RARB: variants seen among roughly 807,000 people sequenced by gnomAD.
RARB encodes HBV-activated protein.
In RARB, 17 loss-of-function variants were observed where a neutral mutation model predicts 51.9. That is an observed-to-expected ratio of 0.33 (90% CI 0.22 to 0.49). The LOEUF is 0.49. Ranked by LOEUF, RARB falls within the 20% of genes least tolerant of loss-of-function variation. The probability of loss-of-function intolerance (pLI) is 0.99; values close to 1 mark genes in which losing one functional copy is unlikely to be tolerated. For missense variants in RARB, 369 were observed against 550.8 expected (o/e 0.67, Z 3.30); for synonymous variants, 215 against 195.4 (o/e 1.10, Z -0.84).
intron 5 of RARB, among the ~76,000 whole-genome samples, chr3:25,384,390 T>C (rs775048326): frequency 1.3e-5 from 2 of 152,222 alleles, no homozygotes; most frequent in African/African-American, 4.8e-5. Context: ...ATGAGCAGCA[T>C]GTAGAATAAC....
At chr3:25,520,813 T>G (rs1698369999) in intron 3 of RARB, among the ~76,000 whole-genome samples, 1 of 152,182 alleles carries the variant, frequency 6.6e-6, no homozygotes, top group Admixed American at 6.5e-5. Context: ...CTTATTACCC[T>G]TCACTGAAGC....
chr3:25,581,979 G>T (rs1701195555), intron 5 of RARB, among the ~76,000 whole-genome samples: 1 of 152,166 alleles, frequency 6.6e-6, no homozygotes, highest in South Asian at 2.1e-4. Flanking sequence ...CAAGGTCACA[G>T]ATGGGGGTGG....
intron 2 of RARB, among the ~76,000 whole-genome samples, chr3:25,003,841 G>T (rs978613473): frequency 6.6e-6 from 1 of 152,052 alleles, no homozygotes; most frequent in Non-Finnish European, 1.5e-5. Flanking sequence ...TTCACTGATG[G>T]GATCTTTATT....
At chr3:25,172,375 T>C (rs1202860607) in intron 4 of RARB, among the ~76,000 whole-genome samples, 7 of 152,142 alleles carry the variant, frequency 4.6e-5, no homozygotes, top group African/African-American at 1.2e-4. Context: ...GGGGAATTCA[T>C]TGAAACTCAC....
At chr3:25,175,952 T>C (rs1700735750) in intron 5 of RARB, among the ~76,000 whole-genome samples, 1 of 152,210 alleles carries the variant, frequency 6.6e-6, no homozygotes. Flanking sequence ...TTTCAAATCA[T>C]GTTCACTCAA....
chr3:25,318,727 C>A (rs1337515496), intron 5 of RARB, among the ~76,000 whole-genome samples: 2 of 152,190 alleles, frequency 1.3e-5, no homozygotes, highest in Admixed American at 6.5e-5. Context: ...CCCAACCACA[C>A]AGCCACCATA....
chr3:25,098,127 G>C (rs1363799066), intron 3 of RARB, among the ~76,000 whole-genome samples: 1 of 152,146 alleles, frequency 6.6e-6, no homozygotes, highest in Non-Finnish European at 1.5e-5. Flanking sequence ...CACTGTACAA[G>C]GGGACTGGGA....
intron 5 of RARB, among the ~76,000 whole-genome samples, chr3:25,356,020 A>C (rs977182739): frequency 1.3e-5 from 2 of 152,152 alleles, no homozygotes; most frequent in African/African-American, 4.8e-5. Flanking sequence ...TATTTTTAAA[A>C]ATTCTCTATT....
chr3:24,891,644 A>T (rs1371723000), intron 2 of RARB, among the ~76,000 whole-genome samples: 1 of 152,146 alleles, frequency 6.6e-6, no homozygotes, highest in Admixed American at 6.5e-5. Context: ...ATTAGCACTG[A>T]TAGTGTGGAG....
chr3:24,898,728 TG>T (rs1411389317), intron 2 of RARB, among the ~76,000 whole-genome samples: 1 of 152,212 alleles, frequency 6.6e-6, no homozygotes, highest in Non-Finnish European at 1.5e-5. Flanking sequence ...GCGGATATAT[TG>T]GCTCCAGTAA....
intron 5 of RARB, among the ~76,000 whole-genome samples, chr3:25,304,983 C>T (rs951954838): frequency 6.6e-6 from 1 of 152,156 alleles, no homozygotes; most frequent in East Asian, 1.9e-4. Flanking sequence ...TTCAGGGTTG[C>T]TGTACCCTAC....
At chr3:25,483,096 G>T (rs1244614213) in intron 2 of RARB, among the ~76,000 whole-genome samples, 4 of 152,106 alleles carry the variant, frequency 2.6e-5, no homozygotes, top group Non-Finnish European at 4.4e-5. Context: ...AACAGCCCTG[G>T]ATCAAAGAGA....
At chr3:25,164,206 G>A (rs766235433) in intron 4 of RARB, among the ~76,000 whole-genome samples, 6 of 152,226 alleles carry the variant, frequency 3.9e-5, no homozygotes, top group African/African-American at 7.2e-5. Context: ...AGGGGTGGGT[G>A]TTGGAGGATG....
At chr3:25,312,732 T>C (rs1283745466) in intron 5 of RARB, among the ~76,000 whole-genome samples, 1 of 152,152 alleles carries the variant, frequency 6.6e-6, no homozygotes, top group South Asian at 2.1e-4. Context: ...AAAATCTAGA[T>C]TTCTAACCTC....
chr3:24,966,606 A>ATC (rs55848511), intron 2 of RARB, among the ~76,000 whole-genome samples: 20,511 of 140,162 alleles, frequency 0.15, 1,630 homozygotes, highest in African/African-American at 0.22. Context: ...GTTTACATTC[A>ATC]TCTCTCTCTC....
At chr3:25,443,867 G>T (rs958387409) in intron 1 of RARB, among the ~76,000 whole-genome samples, 3 of 151,976 alleles carry the variant, frequency 2.0e-5, no homozygotes, top group East Asian at 1.9e-4. Flanking sequence ...GGAGGCAGAG[G>T]TTACAGTGAG....
chr3:24,915,422 C>A (rs532567403), intron 2 of RARB, among the ~76,000 whole-genome samples: 4 of 151,994 alleles, frequency 2.6e-5, no homozygotes, highest in Non-Finnish European at 4.4e-5. Context: ...TTTACACTTA[C>A]AGTATATCTC....
At chr3:24,962,954 C>T (rs1210917466) in intron 2 of RARB, among the ~76,000 whole-genome samples, 2 of 152,076 alleles carry the variant, frequency 1.3e-5, no homozygotes, top group Admixed American at 6.5e-5. Context: ...AGTAATTTGC[C>T]GAAGTCACCC....
At chr3:25,048,237 C>T (rs1285809085) in intron 2 of RARB, among the ~76,000 whole-genome samples, 1 of 152,172 alleles carries the variant, frequency 6.6e-6, no homozygotes, top group East Asian at 1.9e-4. Flanking sequence ...ATATTATCTA[C>T]TTAGTGAAAA....
Sources: gnomAD v4.1 joint callset for allele counts (sites outside exome capture counted in the v4.1 genomes callset) on GRCh38, gnomAD v4.1.1 for gene constraint, MANE v1.5 for transcripts, NCBI Gene and HGNC (gene_info 2026-07-23, HGNC 2026-07-21) for gene names.